MAP1B: variants seen among roughly 807,000 people sequenced by gnomAD.
MAP1B encodes the protein microtubule-associated protein 1B.
MAP1B carries 12 observed loss-of-function variants against 176.1 expected under a neutral mutation model. The observed-to-expected ratio is 0.07, with a 90% CI of 0.04 to 0.11. MAP1B has a LOEUF of 0.11. MAP1B is among the 10% of genes least tolerant of loss of function. The probability of loss-of-function intolerance (pLI) is 1.00; values close to 1 mark genes in which losing one functional copy is unlikely to be tolerated. For synonymous variants in MAP1B, 1,044 were observed against 1,135.0 expected, an observed-to-expected ratio of 0.92 and a Z score of 1.61; for missense variants, 2,523 against 2,990.5, an observed-to-expected ratio of 0.84 and a Z score of 3.65.
In MAP1B at chr5:72,196,101, G is replaced by A. The variant is rs1034544198; in HGVS notation, c.2746G>A (p.Glu916Lys). 10 of 1,614,032 alleles carry A rather than the reference G, an allele frequency of 6.2e-6. No individual in the cohort carries two copies. The highest frequency in any genetic ancestry group is 7.6e-6 in the Non-Finnish European group (9 of 1,180,002). The change falls in exon 5 of 7, where the codon GAG (glutamate) becomes AAG (lysine). Residue 916 changes from glutamate (E) to lysine (K), a missense_variant. Physicochemically the swap from Glu to Lys is moderately conservative, Grantham distance 56 (BLOSUM62 1). Around this residue, in one of 4 missense-constraint regions of MAP1B, gnomAD observed 1,925 missense variants for 2,126.0 expected, o/e 0.91. Coordinates refer to ENST00000296755, the MANE Select transcript of MAP1B (RefSeq NM_005909.5). The surrounding 1 kb of genome is among the most constrained non-coding windows in gnomAD (Gnocchi z 5.3). ...EQTPEELEPVEKQGVDDIEKF... is the reference protein window; with the variant it reads ...EQTPEELEPVKKQGVDDIEKF... The stretch of plus-strand genomic sequence containing the variant: ...GACACCTGAGGAGCTGGAGCCCGTC[G>A]AGAAGCAGGGAGTAGACGACATTGA...
intron 2 of MAP1B, among the ~76,000 whole-genome samples, chr5:72,138,174 A>G (rs1173792708): frequency 2.0e-5 from 3 of 152,226 alleles, no homozygotes; most frequent in African/African-American, 7.2e-5. Context: ...ACATTTCAGT[A>G]GAAAAATAGG....
At chr5:72,146,641 C>G (rs1746050009) in intron 2 of MAP1B, among the ~76,000 whole-genome samples, 3 of 152,292 alleles carry the variant, frequency 2.0e-5, no homozygotes, top group Admixed American at 2.0e-4. Flanking sequence ...CAAGGTCACA[C>G]AGCCAGTGAG....
chr5:72,147,739 A>C (rs1746072034), intron 2 of MAP1B, among the ~76,000 whole-genome samples: 1 of 152,180 alleles, frequency 6.6e-6, no homozygotes, highest in Admixed American at 6.5e-5. Context: ...GGAGGTCTTG[A>C]GAGACATGTC....
chr5:72,205,154 A>C lies in MAP1B; in HGVS notation c.7322A>C (p.Gln2441Pro). 5.0e-6 allele frequency: 8 copies of C among 1,613,944 alleles called. No homozygotes were observed. The highest frequency in any genetic ancestry group is 6.8e-6 in the Non-Finnish European group (8 of 1,179,866). The change falls in exon 7 of 7, where the codon CAA becomes CCA. Residue 2441 changes from glutamine to proline, a missense_variant. Around this residue, in one of 4 missense-constraint regions of MAP1B, gnomAD observed 287 missense variants for 401.5 expected, o/e 0.71. Coordinates refer to ENST00000296755, the MANE Select transcript of MAP1B (RefSeq NM_005909.5). ...TACCAGGAGACCCATGAGAAACAGCAAGATCTCAACATCATGGTTTTAGCA... is the reference window on the plus strand; with the variant it reads ...TACCAGGAGACCCATGAGAAACAGCCAGATCTCAACATCATGGTTTTAGCA... ...EWYQETHEKQ[Q>P]DLNIMVLASS...
intron 1 of MAP1B, among the ~76,000 whole-genome samples, chr5:72,108,533 G>C: frequency 6.6e-6 from 1 of 152,260 alleles, no homozygotes; most frequent in East Asian, 1.9e-4. Context: ...GCTCGCACCA[G>C]TGGCGCGCTC....
intron 2 of MAP1B, among the ~76,000 whole-genome samples, chr5:72,166,082 T>G (rs1197662053): frequency 6.6e-6 from 1 of 152,136 alleles, no homozygotes; most frequent in Non-Finnish European, 1.5e-5. Context: ...TAAACCCAGG[T>G]CTTCTGGCTG....
At chr5:72,172,582 A>G (rs544858926) in intron 2 of MAP1B, among the ~76,000 whole-genome samples, 55 of 152,342 alleles carry the variant, frequency 3.6e-4, no homozygotes, top group African/African-American at 1.3e-3. Flanking sequence ...CCTGGATTTG[A>G]TCAATGGCAG....
At chr5:72,175,164 A>G (rs1474051732) in intron 2 of MAP1B, among the ~76,000 whole-genome samples, 1 of 151,502 alleles carries the variant, frequency 6.6e-6, no homozygotes, top group African/African-American at 2.4e-5. Flanking sequence ...TCCTGGGCTC[A>G]AGTGATCCTC....
At chr5:72,121,139 C>T (rs1298524741) in intron 2 of MAP1B, among the ~76,000 whole-genome samples, 1 of 152,152 alleles carries the variant, frequency 6.6e-6, no homozygotes, top group Non-Finnish European at 1.5e-5. Flanking sequence ...CAAAATGGTC[C>T]TGTGGGTGCC....
At chr5:72,177,456 G>A (rs927851473) in intron 2 of MAP1B, among the ~76,000 whole-genome samples, 1 of 152,168 alleles carries the variant, frequency 6.6e-6, no homozygotes, top group African/African-American at 2.4e-5. Context: ...CCTCTGAAAA[G>A]GAAGTTTTGG....
At chr5:72,168,758 C>T (rs1294723952) in intron 2 of MAP1B, among the ~76,000 whole-genome samples, 1 of 152,194 alleles carries the variant, frequency 6.6e-6, no homozygotes, top group East Asian at 1.9e-4. Flanking sequence ...TGCTCTTTGT[C>T]ATGGGTTTCA....
At position 72,116,337 on chromosome 5, in the gene MAP1B, C is replaced by T. The variant is rs916885501; in HGVS notation, c.286+538C>T. ...ATCATTTCATAATTGCATTATCACC[C>T]GCCATTGCATTACCACTTATCTTTC... On this transcript the variant is annotated intron_variant, in intron 2 of 6. Coordinates refer to ENST00000296755, the MANE Select transcript of MAP1B (RefSeq NM_005909.5). 13 of 308,424 alleles carry T rather than the reference C, an allele frequency of 4.2e-5. 1 individual carries two copies. Among genetic ancestry groups the T allele is most frequent in the Admixed American group, 2.0e-4 (4 of 20,142 alleles). The allele number at this position is 308,424 out of a possible 1,614,324, so 19.1% of individuals were successfully genotyped here. A position where few individuals can be genotyped will look rare whatever the true frequency, so the allele number is the denominator to read the frequency against.
Position 72,115,720 on chromosome 5 carries a change from C to A in MAP1B, c.207C>A (p.Asn69Lys), listed in dbSNP as rs778625147. Residue 69 changes from asparagine (N) to lysine (K), a missense_variant, in exon 2 of 7, where the codon AAC becomes AAA. By Grantham distance (94) the Asn-to-Lys change is moderately conservative. Transcript: ENST00000296755. Reference protein sequence around the residue: ...IELGIRSWDTNLIECNLDQEL... With the variant: ...IELGIRSWDTKLIECNLDQEL... ...TAGGAATCCGATCATGGGACACAAA[C>A]CTGATTGAATGCAACTTGGACCAAG... is the stretch of plus-strand genomic sequence containing the variant. 1 of 1,612,748 alleles carries A rather than the reference C, an allele frequency of 6.2e-7. No individual in the cohort carries two copies. Among genetic ancestry groups the A allele is most frequent in the South Asian group, 1.1e-5 (1 of 91,042 alleles).
intron 2 of MAP1B, among the ~76,000 whole-genome samples, chr5:72,148,147 A>G (rs1031088700): frequency 6.6e-6 from 1 of 152,270 alleles, no homozygotes; most frequent in African/African-American, 2.4e-5. Context: ...AAATTATTTT[A>G]TAAAATACTT....
chr5:72,142,653 A>C (rs1745966612), intron 2 of MAP1B, among the ~76,000 whole-genome samples: 1 of 152,184 alleles, frequency 6.6e-6, no homozygotes, highest in Non-Finnish European at 1.5e-5. Context: ...ATGAAATAAA[A>C]GAAAAAAGGG....
chr5:72,178,348 T>C (rs902076544), intron 2 of MAP1B, among the ~76,000 whole-genome samples: 24 of 152,272 alleles, frequency 1.6e-4, no homozygotes, highest in Non-Finnish European at 2.9e-5. Context: ...TTGTGGTCTT[T>C]CTTGATCGAC....
rs116923519 is a variant in MAP1B, at chr5:72,173,964, C to T, written c.287-9779C>T. Among the ~76,000 whole-genome samples the T allele has an allele frequency of 1.0e-2, 1,518 of 152,224 alleles. 63 individuals are homozygous for T. The East Asian group carries it at 0.12, about 12-fold the overall frequency. ...GCAACATGGCAAAACCTCATCTCTA[C>T]AAAAAGTACAAAAAAATTAGCCAGC... On this transcript the variant is annotated intron_variant, in intron 2 of 6. Transcript: ENST00000296755.
In MAP1B at chr5:72,205,339, G is replaced by A. The variant is rs750262423; in HGVS notation, c.*100G>A. On this transcript the variant is annotated 3_prime_UTR_variant, in exon 7 of 7. Transcript: ENST00000296755. ...AAAAGTCAATTCATCTAGTTAAGTC[G>A]CTGAACAATTACCTGCCAAATGCTA... 69 of 1,231,670 alleles carry A rather than the reference G, an allele frequency of 5.6e-5. 1 individual carries two copies. The highest frequency in any genetic ancestry group is 6.1e-5 in the Non-Finnish European group (53 of 872,942). The allele number at this position is 1,231,670 out of a possible 1,614,324, so 76.3% of individuals were successfully genotyped here. A position where few individuals can be genotyped will look rare whatever the true frequency, so the allele number is the denominator to read the frequency against.
chr5:72,125,035 T>A (rs1210194047), intron 2 of MAP1B, among the ~76,000 whole-genome samples: 1 of 152,218 alleles, frequency 6.6e-6, no homozygotes, highest in African/African-American at 2.4e-5. Context: ...TGAGCAGTTG[T>A]CTCTTGTGCC....
Sources: allele counts gnomAD v4.1 joint callset (sites outside exome capture counted in the v4.1 genomes callset), GRCh38; gene constraint gnomAD v4.1.1; regional missense constraint gnomAD v4.1.1; non-coding constraint Gnocchi (gnomAD v3.1); transcripts MANE v1.5; gene names NCBI Gene and HGNC (gene_info 2026-07-23, HGNC 2026-07-21).